The following JAKMIP2 variants were observed in gnomAD, a reference collection of about 807,000 sequenced individuals.
The protein encoded by JAKMIP2 is janus kinase and microtubule interacting protein 2.
JAKMIP2 carries 25 observed loss-of-function variants against 115.0 expected under a neutral mutation model. The ratio of observed to expected loss-of-function variants is 0.22; its 90% CI spans 0.16 to 0.30. JAKMIP2 has a LOEUF of 0.30. Ranked by LOEUF, JAKMIP2 falls within the 10% of genes least tolerant of loss-of-function variation. The pLI is 1.00. For synonymous variants in JAKMIP2, 334 were observed against 343.6 expected (o/e 0.97, Z 0.31); for missense variants, 642 against 957.6 (o/e 0.67, Z 4.35).
chr5:147,702,735 A>G (rs1172659902), intron 1 of JAKMIP2, among the ~76,000 whole-genome samples: 1 of 152,052 alleles, frequency 6.6e-6, no homozygotes, highest in Non-Finnish European at 1.5e-5. Context: ...AGGGGGAAAG[A>G]GACTGACAGG....
chr5:147,661,460 G>A lies in JAKMIP2; in HGVS notation c.130-15C>T. 8 of 1,599,478 alleles carry A rather than the reference G, an allele frequency of 5.0e-6. No homozygotes were observed. The highest frequency in any genetic ancestry group is 6.0e-6 in the Non-Finnish European group (7 of 1,173,256). On this transcript the variant is annotated splice_polypyrimidine_tract_variant and intron_variant, in intron 2 of 21. Coordinates refer to ENST00000616793, the MANE Select transcript of JAKMIP2 (RefSeq NM_001270941.2). ...AGCTTTGATACCTAAAAACAGAGAG[G>A]CGAAATGATGAAGAGAAATGAGCCT...
In JAKMIP2 at chr5:147,586,446, G is replaced by T. The variant is rs976092682; in HGVS notation, c.*5261C>A. 5 of 152,164 alleles carry T rather than the reference G, an allele frequency of 3.3e-5. No individual in the cohort carries two copies. In the South Asian group the frequency reaches 1.0e-3, roughly 32 times the overall value. The allele number at this position is 152,164 out of a possible 1,614,324, so 9.4% of individuals were successfully genotyped here. A position where few individuals can be genotyped will look rare whatever the true frequency, so the allele number is the denominator to read the frequency against. ...TAACAGATGCTGGGGATCTGTTTTA[G>T]TTGGAAAATTGCATCATCCACTCTT... On this transcript the variant is annotated 3_prime_UTR_variant, in exon 22 of 22. Coordinates refer to ENST00000616793, the MANE Select transcript of JAKMIP2 (RefSeq NM_001270941.2).
rs1024409392 is a variant in JAKMIP2 at position 147,588,913 on chromosome 5, G to A, written c.*2794C>T. ...GGTGGGTGGGAAAGCAAAATTAAGAGAAGGAAGGTGTGTGTTGGAGCAGAC... is the reference window on the plus strand; with the variant it reads ...GGTGGGTGGGAAAGCAAAATTAAGAAAAGGAAGGTGTGTGTTGGAGCAGAC... On this transcript the variant is annotated 3_prime_UTR_variant, in exon 22 of 22. Coordinates refer to ENST00000616793, the MANE Select transcript of JAKMIP2 (RefSeq NM_001270941.2). 1 of 152,122 alleles carries A rather than the reference G, an allele frequency of 6.6e-6. No individual in the cohort carries two copies. Among genetic ancestry groups the A allele is most frequent in the Non-Finnish European group, 1.5e-5 (1 of 67,998 alleles). 9.4% of individuals were successfully genotyped at this position (152,122 alleles called of 1,614,324 possible).
chr5:147,713,931 G>A (rs1411869097), intron 1 of JAKMIP2, among the ~76,000 whole-genome samples: 7 of 152,100 alleles, frequency 4.6e-5, no homozygotes, highest in African/African-American at 1.4e-4. Context: ...AAGTCATCTG[G>A]GTGACCTAGA....
At chr5:147,780,335 C>T (rs898433550) in intron 1 of JAKMIP2, among the ~76,000 whole-genome samples, 1 of 152,136 alleles carries the variant, frequency 6.6e-6, no homozygotes. Flanking sequence ...ACTGTACCAA[C>T]TTTGCCTATA....
intron 15 of JAKMIP2, 82 bp downstream of exon 15, chr5:147,629,611 C>CT: frequency 3.1e-6 from 3 of 964,328 alleles, no homozygotes; most frequent in Non-Finnish European, 4.9e-6. Flanking sequence ...CTTGCTCTTA[C>CT]TTTACACATG....
In JAKMIP2 at chr5:147,661,332, C is replaced by T. The variant is rs549299606; in HGVS notation, c.243G>A (p.Lys81=). 6 of 1,614,074 alleles carry T rather than the reference C, an allele frequency of 3.7e-6. No homozygotes were observed. Among genetic ancestry groups the T allele is most frequent in the Middle Eastern group, 1.6e-4 (1 of 6,062 alleles). ...TELKAKLHEE[K]MKELQAVREN... Reference sequence around the variant, plus strand: ...CCCTCACAGCCTGCAGCTCCTTCATCTTCTCCTCATGGAGCTTGGCTTTGA... The same window carrying T: ...CCCTCACAGCCTGCAGCTCCTTCATTTTCTCCTCATGGAGCTTGGCTTTGA... The change falls in exon 3 of 22, where the codon AAG becomes AAA. Residue 81 remains lysine, a synonymous_variant. Transcript: ENST00000616793.
intron 21 of JAKMIP2, among the ~76,000 whole-genome samples, chr5:147,598,847 T>A (rs892611652): frequency 2.6e-5 from 4 of 152,138 alleles, no homozygotes; most frequent in African/African-American, 7.2e-5. Flanking sequence ...TGGAAAAAAA[T>A]TTATCGTAAT....
At chr5:147,702,596 GAAAGAAGGAAAGAAAGAAAGAAA>G (rs1752389445) in intron 1 of JAKMIP2, among the ~76,000 whole-genome samples, 1 of 108,042 alleles carries the variant, frequency 9.3e-6, no homozygotes, top group African/African-American at 3.8e-5. Flanking sequence ...AAGAAAGAAA[GAAAGAAGGAAAGAAAGAAAGAAA>G]GAAAGAAAGA....
chr5:147,677,722 T>A (rs1308925828), intron 1 of JAKMIP2, among the ~76,000 whole-genome samples: 1 of 152,242 alleles, frequency 6.6e-6, no homozygotes, highest in Non-Finnish European at 1.5e-5. Context: ...ACAAAAAGTA[T>A]GTATTTATGG....
chr5:147,716,560 C>T (rs937863724), intron 1 of JAKMIP2, among the ~76,000 whole-genome samples: 2 of 152,098 alleles, frequency 1.3e-5, no homozygotes, highest in African/African-American at 4.8e-5. Context: ...GATGGTATCT[C>T]ATTGCGGTTT....
chr5:147,702,982 A>G (rs1752434488), intron 1 of JAKMIP2, among the ~76,000 whole-genome samples: 2 of 152,190 alleles, frequency 1.3e-5, no homozygotes, highest in African/African-American at 4.8e-5. Flanking sequence ...GAAGTAAAGA[A>G]TCTCAGAGAT....
chr5:147,617,501 C>A (rs940666639), intron 19 of JAKMIP2, among the ~76,000 whole-genome samples: 9 of 152,076 alleles, frequency 5.9e-5, no homozygotes, highest in African/African-American at 2.2e-4. Context: ...GTAATGTGAA[C>A]GGTCCTTGCT....
At chr5:147,750,639 A>G (rs1754516100) in intron 1 of JAKMIP2, among the ~76,000 whole-genome samples, 1 of 151,964 alleles carries the variant, frequency 6.6e-6, no homozygotes, top group South Asian at 2.1e-4. Context: ...GAAGGTTTCT[A>G]TTATGAACTG....
intron 17 of JAKMIP2, among the ~76,000 whole-genome samples, 189 bp downstream of exon 17, chr5:147,623,432 G>A (rs961004777): frequency 6.8e-6 from 1 of 147,412 alleles, no homozygotes; most frequent in Non-Finnish European, 1.5e-5. Context: ...AACATTTTTT[G>A]GGGGGAGAAT....
At chr5:147,774,239 G>T (rs1755470759) in intron 1 of JAKMIP2, among the ~76,000 whole-genome samples, 1 of 152,096 alleles carries the variant, frequency 6.6e-6, no homozygotes, top group African/African-American at 2.4e-5. Context: ...CTAGAACTGA[G>T]AAGATGATGG....
chr5:147,657,409 G>T (rs558680277), intron 3 of JAKMIP2, among the ~76,000 whole-genome samples: 58 of 152,274 alleles, frequency 3.8e-4, no homozygotes, highest in African/African-American at 1.3e-3. Context: ...AGGTGACCTG[G>T]CCTTTCTCTC....
intron 5 of JAKMIP2, 87 bp downstream of exon 5, chr5:147,648,289 A>C: frequency 1.4e-6 from 1 of 727,136 alleles, no homozygotes; most frequent in South Asian, 1.7e-5. Context: ...ACTTTTCTCT[A>C]TTATGGTACG....
intron 14 of JAKMIP2, 97 bp from the exon 15 acceptor site, chr5:147,629,843 G>T: frequency 1.1e-6 from 1 of 884,048 alleles, no homozygotes; most frequent in Non-Finnish European, 1.8e-6. Flanking sequence ...TTTAGGGCCT[G>T]AACTTCCTTG....
Sources: allele counts gnomAD v4.1 joint callset (sites outside exome capture counted in the v4.1 genomes callset), GRCh38; gene constraint gnomAD v4.1.1; transcripts MANE v1.5; gene names NCBI Gene and HGNC (gene_info 2026-07-23, HGNC 2026-07-21).